The following BBX variants were observed in gnomAD, a reference collection of about 807,000 sequenced individuals.
The protein encoded by BBX is HMG box transcription factor BBX.
In BBX, 30 loss-of-function variants were observed where a neutral mutation model predicts 100.2. That is an observed-to-expected ratio of 0.30 (90% CI 0.22 to 0.41). The LOEUF (loss-of-function observed/expected upper bound fraction) is 0.41, where lower values mean the gene tolerates loss of function less well. BBX is among the 10% of genes least tolerant of loss of function. The probability of loss-of-function intolerance (pLI) is 1.00; values close to 1 mark genes in which losing one functional copy is unlikely to be tolerated. For synonymous variants in BBX, 376 were observed against 388.1 expected (o/e 0.97, Z 0.37); for missense variants, 1,023 against 1,129.8 (o/e 0.91, Z 1.35).
chr3:107,622,784 C>T (rs573384668), intron 2 of BBX, among the ~76,000 whole-genome samples: 1 of 152,098 alleles, frequency 6.6e-6, no homozygotes, highest in Non-Finnish European at 1.5e-5. Flanking sequence ...TCTTTTTTTA[C>T]ACATCCTGTG....
intron 5 of BBX, among the ~76,000 whole-genome samples, chr3:107,717,627 C>T (rs1367639635): frequency 6.6e-6 from 1 of 151,942 alleles, no homozygotes; most frequent in East Asian, 1.9e-4. Flanking sequence ...TAGTGGGAAG[C>T]ATTTCCATGT....
intron 2 of BBX, among the ~76,000 whole-genome samples, chr3:107,644,390 T>G (rs1419397332): frequency 1.3e-5 from 2 of 152,176 alleles, no homozygotes; most frequent in Non-Finnish European, 2.9e-5. Context: ...ACCAGTTTAT[T>G]TACTTGACGT....
chr3:107,682,407 A>G (rs549420436), intron 3 of BBX, among the ~76,000 whole-genome samples: 2 of 152,276 alleles, frequency 1.3e-5, no homozygotes, highest in South Asian at 2.1e-4. Flanking sequence ...CCTGCAAACA[A>G]TAAAACCCCT....
chr3:107,729,302 C>T (rs75902386), intron 6 of BBX, among the ~76,000 whole-genome samples: 7,043 of 152,126 alleles, frequency 0.046, 511 homozygotes, highest in African/African-American at 0.16. Flanking sequence ...TAAGCCATCC[C>T]AGGATGCACC....
intron 2 of BBX, among the ~76,000 whole-genome samples, chr3:107,542,141 TAGAA>T (rs1215302856): frequency 2.0e-5 from 3 of 152,186 alleles, no homozygotes; most frequent in Non-Finnish European, 4.4e-5. Context: ...TTTTATATAA[TAGAA>T]AGGTTTTATT....
rs371352252 is a variant in BBX, at chr3:107,770,862, A to G, written c.907-1766A>G. On this transcript the variant is annotated intron_variant, in intron 10 of 17. Transcript: ENST00000325805. Reference sequence around the variant, plus strand: ...ATTCTCACAGGAAGATTGGTGATGCATTGAAAATACTAAGAGAAAAATGAG... The same window carrying G: ...ATTCTCACAGGAAGATTGGTGATGCGTTGAAAATACTAAGAGAAAAATGAG... 1.1e-4 allele frequency among the ~76,000 whole-genome samples: 17 copies of G among 152,328 alleles called. No individual in the cohort carries two copies. In the East Asian group the frequency reaches 1.2e-3, roughly 10 times the overall value.
chr3:107,650,600 A>G (rs1311550240), intron 3 of BBX, among the ~76,000 whole-genome samples: 2 of 152,232 alleles, frequency 1.3e-5, no homozygotes, highest in African/African-American at 4.8e-5. Flanking sequence ...ATTTTAAAAT[A>G]GCACATGTAT....
At chr3:107,745,432 T>G (rs1200307781) in intron 8 of BBX, among the ~76,000 whole-genome samples, 1 of 152,126 alleles carries the variant, frequency 6.6e-6, no homozygotes, top group Non-Finnish European at 1.5e-5. Context: ...GCCCAACTGT[T>G]TTACAGTTTT....
intron 9 of BBX, among the ~76,000 whole-genome samples, chr3:107,748,855 T>G (rs1576621355): frequency 6.6e-6 from 1 of 152,280 alleles, no homozygotes; most frequent in East Asian, 1.9e-4. Context: ...GACTGTGCTG[T>G]TTAATATTGA....
chr3:107,579,448 A>G (rs1425908182), intron 2 of BBX, among the ~76,000 whole-genome samples: 1 of 152,216 alleles, frequency 6.6e-6, no homozygotes, highest in African/African-American at 2.4e-5. Context: ...CACAGGGTCC[A>G]AGCTTCATAC....
chr3:107,615,455 T>G (rs1220351265), intron 2 of BBX, among the ~76,000 whole-genome samples: 1 of 152,168 alleles, frequency 6.6e-6, no homozygotes, highest in Admixed American at 6.5e-5. Flanking sequence ...GATGGGATTT[T>G]TTTTGATGAG....
At chr3:107,571,008 T>C (rs1440368369) in intron 2 of BBX, among the ~76,000 whole-genome samples, 1 of 152,078 alleles carries the variant, frequency 6.6e-6, no homozygotes, top group East Asian at 1.9e-4. Flanking sequence ...AGAACAATTA[T>C]TGAGTTTGTA....
intron 2 of BBX, among the ~76,000 whole-genome samples, chr3:107,537,012 G>A (rs867543645): frequency 2.0e-5 from 3 of 152,144 alleles, no homozygotes; most frequent in African/African-American, 4.8e-5. Context: ...GTGTTTGCCC[G>A]TTAAGTCTGT....
chr3:107,576,969 T>C (rs910115441), intron 2 of BBX, among the ~76,000 whole-genome samples: 2 of 152,176 alleles, frequency 1.3e-5, no homozygotes, highest in African/African-American at 4.8e-5. Flanking sequence ...CGAGCAATTC[T>C]TCTGCCTCAG....
intron 3 of BBX, among the ~76,000 whole-genome samples, chr3:107,664,322 C>G (rs2107878486): frequency 6.6e-6 from 1 of 152,222 alleles, no homozygotes; most frequent in South Asian, 2.1e-4. Flanking sequence ...ATTTTATGCT[C>G]CCACTAACAG....
chr3:107,733,144 A>G, intron 7 of BBX, 121 bp downstream of exon 7: 1 of 833,184 alleles, frequency 1.2e-6, no homozygotes, highest in Non-Finnish European at 1.8e-6. Flanking sequence ...AAACTTTATA[A>G]TCTTTCTCTT....
At chr3:107,623,019 T>G in intron 2 of BBX, among the ~76,000 whole-genome samples, 1 of 152,218 alleles carries the variant, frequency 6.6e-6, no homozygotes, top group East Asian at 1.9e-4. Context: ...CTATGCTGTT[T>G]AGGATCAGAT....
chr3:107,687,817 G>T (rs2059934503), intron 3 of BBX, among the ~76,000 whole-genome samples: 1 of 152,176 alleles, frequency 6.6e-6, no homozygotes, highest in South Asian at 2.1e-4. Context: ...CACTTTGGGA[G>T]GCCAAGGTGG....
intron 2 of BBX, among the ~76,000 whole-genome samples, chr3:107,629,806 T>C: frequency 6.6e-6 from 1 of 152,202 alleles, no homozygotes; most frequent in East Asian, 1.9e-4. Context: ...CAACCACATC[T>C]CTTCCTTATT....
Sources: gnomAD v4.1 joint callset for allele counts (sites outside exome capture counted in the v4.1 genomes callset) on GRCh38, gnomAD v4.1.1 for gene constraint, MANE v1.5 for transcripts, NCBI Gene and HGNC (gene_info 2026-07-23, HGNC 2026-07-21) for gene names.